EML2: variants seen among roughly 807,000 people sequenced by gnomAD.
EML2 encodes the protein EMAP like 2.
In EML2, 59 loss-of-function variants were observed where a neutral mutation model predicts 84.7. The observed-to-expected ratio is 0.70, with a 90% confidence interval of 0.56 to 0.86. The LOEUF is 0.86. Ranked by LOEUF, EML2 falls within the 40% of genes least tolerant of loss-of-function variation. EML2 has a pLI of 0.00. For synonymous variants in EML2, 352 were observed against 348.9 expected (o/e 1.01, Z -0.10); for missense variants, 818 against 855.6 (o/e 0.96, Z 0.55).
At chr19:45,640,391 T>G (rs1156725329), upstream of EML2, 1 of 149,634 alleles carries the variant, frequency 6.7e-6, no homozygotes, top group African/African-American at 2.4e-5. Flanking sequence ...GGCTATTTTC[T>G]TTCTCTCTCT....
At chr19:45,611,289 T>A in intron 18 of EML2, among the ~76,000 whole-genome samples, 1 of 151,492 alleles carries the variant, frequency 6.6e-6, no homozygotes, top group East Asian at 2.0e-4. Flanking sequence ...TGCATGCCTG[T>A]AATCCCAGCT....
intron 7 of EML2, among the ~76,000 whole-genome samples, chr19:45,627,605 C>T (rs918829644): frequency 3.9e-5 from 6 of 152,136 alleles, no homozygotes; most frequent in Non-Finnish European, 7.4e-5. Context: ...GACAAGCCAG[C>T]GAAGCATTAT....
At chr19:45,619,242 C>G (rs751007431) in intron 11 of EML2, 51 bp from the exon 12 acceptor site, 1 of 1,563,332 alleles carries the variant, frequency 6.4e-7, no homozygotes, top group Non-Finnish European at 8.7e-7. Context: ...TGGCCTTTTC[C>G]CACTCAACAC....
chr19:45,642,382 GC>G (rs1477164763), upstream of EML2: 6 of 1,523,834 alleles, frequency 3.9e-6, no homozygotes, highest in East Asian at 1.2e-4. Flanking sequence ...CGGCTGCAGG[GC>G]CACCCAGGAG....
chr19:45,629,836 A>G (rs1972813867), intron 7 of EML2, 115 bp downstream of exon 7: 4 of 798,294 alleles, frequency 5.0e-6, no homozygotes, highest in Non-Finnish European at 8.6e-6. Flanking sequence ...ACAGCCAGCA[A>G]GGAGTAAAGC....
At chr19:45,624,330 A>C (rs1972052405) in intron 9 of EML2, among the ~76,000 whole-genome samples, 1 of 152,158 alleles carries the variant, frequency 6.6e-6, no homozygotes, top group Non-Finnish European at 1.5e-5. Context: ...TCCATTTCCT[A>C]GGATCACACC....
chr19:45,645,597 G>A, upstream of EML2: 1 of 677,068 alleles, frequency 1.5e-6, no homozygotes, highest in Admixed American at 3.6e-5. Context: ...GATCCCCCTA[G>A]GTACCGTCTG....
chr19:45,622,770 G>A (rs367605430), intron 9 of EML2, among the ~76,000 whole-genome samples: 28 of 152,294 alleles, frequency 1.8e-4, no homozygotes, highest in African/African-American at 5.1e-4. Context: ...GCAGGCGGCC[G>A]GGTTCGGTGG....
At chr19:45,612,310 C>T (rs550983768) in intron 18 of EML2, among the ~76,000 whole-genome samples, 1 of 152,108 alleles carries the variant, frequency 6.6e-6, no homozygotes, top group South Asian at 2.1e-4. Context: ...GGTGATCCAT[C>T]ACCTTGGTCT....
chr19:45,642,062 G>T (rs1974569361), upstream of EML2: 1 of 1,444,796 alleles, frequency 6.9e-7, no homozygotes, highest in Non-Finnish European at 9.1e-7. Context: ...GGGGTTAGGG[G>T]ACAGAAGAGG....
chr19:45,635,916 A>G (rs545023175), intron 3 of EML2, among the ~76,000 whole-genome samples: 31 of 152,140 alleles, frequency 2.0e-4, no homozygotes, highest in African/African-American at 6.7e-4. Context: ...AATCCCCACA[A>G]CTTGCAAATG....
intron 1 of EML2, 107 bp from the exon 2 acceptor site, chr19:45,638,980 C>T: frequency 7.4e-7 from 1 of 1,359,120 alleles, no homozygotes; most frequent in Admixed American, 1.7e-5. Flanking sequence ...CCGATGAAAA[C>T]GGGGCCGAGT....
At chr19:45,636,530 A>C (rs1973743899) in intron 3 of EML2, among the ~76,000 whole-genome samples, 1 of 152,082 alleles carries the variant, frequency 6.6e-6, no homozygotes, top group Non-Finnish European at 1.5e-5. Flanking sequence ...CCAGTCTTGC[A>C]CACTCTGGGT....
chr19:45,619,189 G>T lies in EML2; in HGVS notation c.1125C>A (p.Gly375=). The change falls in exon 12 of 19, where the codon GGC becomes GGA. Residue 375 remains glycine (G), a splice_region_variant and synonymous_variant. Transcript: ENST00000245925. ...VHTGFSLLVQ[G]HVEELWGLAT... ...CCAGGCCCCACAGCTCTTCCACATG[G>T]CCCTGGTGGAAAGGGAGGACAGCAG... 1 of 1,610,002 alleles carries T rather than the reference G, an allele frequency of 6.2e-7. No individual in the cohort carries two copies. The highest frequency in any genetic ancestry group is 8.5e-7 in the Non-Finnish European group (1 of 1,178,700).
chr19:45,637,229 G>C (rs907922192), intron 3 of EML2, among the ~76,000 whole-genome samples: 3 of 152,158 alleles, frequency 2.0e-5, no homozygotes, highest in Non-Finnish European at 4.4e-5. Context: ...ACAAGGACCG[G>C]GTTCCTGGGG....
upstream of EML2, among the ~76,000 whole-genome samples, chr19:45,643,322 G>C (rs1008902269): frequency 1.3e-5 from 2 of 152,224 alleles, no homozygotes; most frequent in Non-Finnish European, 2.9e-5. Flanking sequence ...TGCAGGCAGC[G>C]CATGGCAGAC....
chr19:45,629,863 G>T (rs945205579), intron 7 of EML2, 88 bp downstream of exon 7: 3 of 1,042,772 alleles, frequency 2.9e-6, no homozygotes, highest in African/African-American at 1.6e-5. Flanking sequence ...TTAAACACGG[G>T]TCTATCTGAT....
At chr19:45,621,166 G>C (rs755318320) in intron 11 of EML2, 41 bp downstream of exon 11, 1 of 1,605,266 alleles carries the variant, frequency 6.2e-7, no homozygotes, top group South Asian at 1.1e-5. Context: ...GCCAGGGAAA[G>C]AGCTGGGAAG....
intron 13 of EML2, among the ~76,000 whole-genome samples, chr19:45,617,104 G>C (rs569853615): frequency 6.6e-6 from 1 of 152,068 alleles, no homozygotes; most frequent in East Asian, 1.9e-4. Flanking sequence ...AAATTAGCCA[G>C]GCGTGGTGGC....
Sources: allele counts gnomAD v4.1 joint callset (sites outside exome capture counted in the v4.1 genomes callset), GRCh38; gene constraint gnomAD v4.1.1; transcripts MANE v1.5; gene names NCBI Gene and HGNC (gene_info 2026-07-23, HGNC 2026-07-21).